TBC1D5: variants seen among roughly 807,000 people sequenced by gnomAD.
TBC1D5 encodes TBC1 domain family member 5.
In TBC1D5, 75 loss-of-function variants were observed where a neutral mutation model predicts 100.3. The ratio of observed to expected loss-of-function variants is 0.75; its 90% CI spans 0.62 to 0.91. TBC1D5 has a LOEUF of 0.91. Ranked by LOEUF, TBC1D5 falls within the 40% of genes least tolerant of loss-of-function variation. TBC1D5 has a pLI of 0.00. For synonymous variants in TBC1D5, 323 were observed against 325.6 expected (o/e 0.99, Z 0.09); for missense variants, 910 against 942.4 (o/e 0.97, Z 0.45).
intron 16 of TBC1D5, among the ~76,000 whole-genome samples, chr3:17,250,185 G>C (rs534044624): frequency 6.6e-6 from 1 of 152,120 alleles, no homozygotes; most frequent in South Asian, 2.1e-4. Context: ...ATTACACATT[G>C]AGTCCATCAG....
At chr3:17,362,483 C>CTT (rs566034115) in intron 13 of TBC1D5, among the ~76,000 whole-genome samples, 8 of 146,818 alleles carry the variant, frequency 5.4e-5, no homozygotes, top group African/African-American at 2.0e-4. Context: ...CGTAGACTGA[C>CTT]TTTTTTTTTT....
intron 15 of TBC1D5, among the ~76,000 whole-genome samples, chr3:17,260,249 A>G (rs2078151687): frequency 1.3e-5 from 2 of 152,228 alleles, no homozygotes; most frequent in Admixed American, 1.3e-4. Context: ...TGCTAATAAA[A>G]AAAGACCCCT....
chr3:17,430,035 T>TG (rs2094419532), intron 3 of TBC1D5, among the ~76,000 whole-genome samples: 1 of 151,790 alleles, frequency 6.6e-6, no homozygotes, highest in Non-Finnish European at 1.5e-5. Context: ...CCTAGCTAGG[T>TG]ATAAGTTGCT....
At chr3:17,248,003 T>C (rs1184538288) in intron 16 of TBC1D5, among the ~76,000 whole-genome samples, 6 of 151,944 alleles carry the variant, frequency 3.9e-5, no homozygotes, top group Non-Finnish European at 7.4e-5. Context: ...TTTTTTTTTT[T>C]TTCTTCTAAA....
At chr3:17,628,090 CG>C (rs548447060) in intron 1 of TBC1D5, among the ~76,000 whole-genome samples, 96 of 152,142 alleles carry the variant, frequency 6.3e-4, no homozygotes, top group African/African-American at 2.2e-3. Context: ...CACACTCCGC[CG>C]GGTGTGGTGG....
At chr3:17,706,577 T>C (rs1170932022) in intron 1 of TBC1D5, among the ~76,000 whole-genome samples, 2 of 152,126 alleles carry the variant, frequency 1.3e-5, no homozygotes, top group Non-Finnish European at 2.9e-5. Flanking sequence ...TTTTCAACAA[T>C]TAAGGATTAA....
At chr3:17,325,487 C>G (rs2085983037) in intron 13 of TBC1D5, among the ~76,000 whole-genome samples, 1 of 151,996 alleles carries the variant, frequency 6.6e-6, no homozygotes, top group Non-Finnish European at 1.5e-5. Context: ...CCATGCCCAG[C>G]TAAGTTTTGT....
chr3:17,395,858 A>G (rs776370057), intron 8 of TBC1D5, among the ~76,000 whole-genome samples: 16 of 152,190 alleles, frequency 1.1e-4, no homozygotes, highest in Non-Finnish European at 1.6e-4. Flanking sequence ...AAGAATTTGC[A>G]TGCTCAAATG....
intron 3 of TBC1D5, among the ~76,000 whole-genome samples, chr3:17,436,992 G>GC (rs1330600674): frequency 2.0e-5 from 3 of 152,288 alleles, no homozygotes; most frequent in South Asian, 2.1e-4. Context: ...AATACACAAT[G>GC]CAACAGTGTT....
chr3:17,314,333 T>C (rs1427232453), intron 13 of TBC1D5, among the ~76,000 whole-genome samples: 1 of 152,162 alleles, frequency 6.6e-6, no homozygotes, highest in East Asian at 1.9e-4. Context: ...AGGCTGGACC[T>C]TTCACAGGAT....
intron 1 of TBC1D5, among the ~76,000 whole-genome samples, chr3:17,696,633 G>A (rs1242879222): frequency 6.6e-6 from 1 of 152,054 alleles, no homozygotes. Context: ...CCAAAAAAAA[G>A]TCCAGGACCA....
At chr3:17,491,256 A>T (rs1344592123) in intron 3 of TBC1D5, among the ~76,000 whole-genome samples, 1 of 152,180 alleles carries the variant, frequency 6.6e-6, no homozygotes, top group Non-Finnish European at 1.5e-5. Flanking sequence ...ATATCTGCAT[A>T]CAAAGATAGT....
intron 4 of TBC1D5, among the ~76,000 whole-genome samples, chr3:17,409,587 A>T (rs184112035): frequency 4.9e-4 from 74 of 152,208 alleles, no homozygotes; most frequent in African/African-American, 1.8e-3. Context: ...TGGTGAATGC[A>T]GAAAAAAAAA....
At chr3:17,246,792 T>C (rs1006202020) in intron 16 of TBC1D5, among the ~76,000 whole-genome samples, 2 of 152,194 alleles carry the variant, frequency 1.3e-5, no homozygotes, top group Admixed American at 6.5e-5. Flanking sequence ...AACTTTTAGA[T>C]GAAAACAAGA....
chr3:17,581,366 C>G (rs1247345596), intron 2 of TBC1D5, among the ~76,000 whole-genome samples: 1 of 152,172 alleles, frequency 6.6e-6, no homozygotes, highest in East Asian at 1.9e-4. Context: ...CACAGTTTTT[C>G]CTTCATCTCA....
chr3:17,332,086 G>T (rs2086947538), intron 13 of TBC1D5, among the ~76,000 whole-genome samples: 1 of 152,188 alleles, frequency 6.6e-6, no homozygotes, highest in African/African-American at 2.4e-5. Flanking sequence ...AGACTGTAAG[G>T]AGACTAGGAT....
chr3:17,335,842 G>A (rs1027459775), intron 13 of TBC1D5, among the ~76,000 whole-genome samples: 2 of 152,088 alleles, frequency 1.3e-5, no homozygotes, highest in Admixed American at 6.6e-5. Context: ...ATAATTACTG[G>A]AGGTCTTATG....
intron 2 of TBC1D5, among the ~76,000 whole-genome samples, chr3:17,563,243 A>G (rs935058338): frequency 1.3e-5 from 2 of 152,212 alleles, no homozygotes; most frequent in Non-Finnish European, 2.9e-5. Context: ...AGGATCCATC[A>G]TGGAATCCAA....
intron 2 of TBC1D5, chr3:17,622,636 T>C (rs565842583): frequency 1.3e-5 from 2 of 152,094 alleles, no homozygotes; most frequent in East Asian, 3.9e-4. Context: ...TGAATTGAAC[T>C]AAGTTACTTA....
Sources: gnomAD v4.1 joint callset for allele counts (sites outside exome capture counted in the v4.1 genomes callset) on GRCh38, gnomAD v4.1.1 for gene constraint, MANE v1.5 for transcripts, NCBI Gene and HGNC (gene_info 2026-07-23, HGNC 2026-07-21) for gene names.